The following LINGO2 variants were observed in gnomAD, a reference collection of about 807,000 sequenced individuals.
LINGO2 encodes the protein leucine-rich repeat and immunoglobulin-like domain-containing nogo receptor-interacting protein 2.
LINGO2 carries 14 observed loss-of-function variants against 30.6 expected under a neutral mutation model. That is an observed-to-expected ratio of 0.46 (90% confidence interval 0.30 to 0.72). The LOEUF (loss-of-function observed/expected upper bound fraction) is 0.72, where lower values mean the gene tolerates loss of function less well. LINGO2 is among the 30% of genes least tolerant of loss of function. The pLI, the probability that LINGO2 is intolerant of heterozygous loss-of-function variation, is 0.07. For synonymous variants in LINGO2, 317 were observed against 288.5 expected (o/e 1.10, Z -1.00); for missense variants, 729 against 751.7 (o/e 0.97, Z 0.35).
At chr9:28,623,488 T>C (rs1041225638) in intron 1 of LINGO2, among the ~76,000 whole-genome samples, 3 of 152,046 alleles carry the variant, frequency 2.0e-5, no homozygotes, top group Middle Eastern at 6.8e-3. Context: ...CTTTGTCAAA[T>C]ACGAGTTCAC....
At chr9:28,071,500 C>T (rs1191239464) in intron 4 of LINGO2, among the ~76,000 whole-genome samples, 1 of 151,788 alleles carries the variant, frequency 6.6e-6, no homozygotes, top group Non-Finnish European at 1.5e-5. Context: ...TTTCTCTAGT[C>T]CTTACCATTT....
the LINGO2 span, among the ~76,000 whole-genome samples, chr9:29,098,741 T>G: frequency 6.6e-6 from 1 of 152,170 alleles, no homozygotes; most frequent in Non-Finnish European, 1.5e-5. Flanking sequence ...ATAAGAAGCC[T>G]TTGATACTTT....
chr9:28,740,772 C>G, the LINGO2 span, among the ~76,000 whole-genome samples: 1 of 151,988 alleles, frequency 6.6e-6, no homozygotes, highest in East Asian at 1.9e-4. Flanking sequence ...TTAATACAAA[C>G]ATTACTTACA....
At chr9:28,382,276 T>C (rs1821386598) in intron 2 of LINGO2, among the ~76,000 whole-genome samples, 1 of 152,188 alleles carries the variant, frequency 6.6e-6, no homozygotes, top group African/African-American at 2.4e-5. Context: ...ATTCAAAATA[T>C]GAAAGCATTG....
At chr9:28,653,705 C>A (rs991102323) in intron 1 of LINGO2, among the ~76,000 whole-genome samples, 6 of 152,098 alleles carry the variant, frequency 3.9e-5, no homozygotes, top group East Asian at 1.9e-4. Flanking sequence ...CATACCTTCA[C>A]AATGAACATT....
intron 4 of LINGO2, among the ~76,000 whole-genome samples, chr9:28,036,925 G>A (rs919068811): frequency 1.3e-5 from 2 of 152,122 alleles, no homozygotes; most frequent in Non-Finnish European, 2.9e-5. Context: ...AAAATAGAAG[G>A]TTCTCAGACC....
the LINGO2 span, among the ~76,000 whole-genome samples, chr9:29,081,196 A>G: frequency 6.6e-6 from 1 of 152,144 alleles, no homozygotes; most frequent in Admixed American, 6.6e-5. Context: ...TGGCAAACCG[A>G]ATCCAGCAGC....
chr9:28,433,641 G>A (rs945817253), intron 2 of LINGO2, among the ~76,000 whole-genome samples: 39 of 152,208 alleles, frequency 2.6e-4, no homozygotes, highest in Admixed American at 7.9e-4. Context: ...TGTTGACATG[G>A]ATGTGGTGAA....
the LINGO2 span, among the ~76,000 whole-genome samples, chr9:29,210,611 A>G: frequency 5.9e-5 from 9 of 152,180 alleles, no homozygotes; most frequent in Non-Finnish European, 1.3e-4. Flanking sequence ...CAAACTTTAT[A>G]TAAATCTTCC....
chr9:28,309,870 A>G (rs899986287), intron 3 of LINGO2, among the ~76,000 whole-genome samples: 2 of 152,118 alleles, frequency 1.3e-5, no homozygotes, highest in African/African-American at 4.8e-5. Flanking sequence ...ACACTTCACC[A>G]AAGAGGCTAC....
intron 4 of LINGO2, among the ~76,000 whole-genome samples, chr9:28,079,938 T>C (rs1481343504): frequency 6.6e-6 from 1 of 152,230 alleles, no homozygotes; most frequent in Non-Finnish European, 1.5e-5. Context: ...CTCAACTCCG[T>C]TGCCGAAGTA....
chr9:28,198,264 A>C (rs1820089608), intron 4 of LINGO2, among the ~76,000 whole-genome samples: 2 of 152,002 alleles, frequency 1.3e-5, no homozygotes, highest in South Asian at 4.1e-4. Context: ...AAAAAAACAA[A>C]CTCTAAAAGC....
chr9:28,707,319 A>G, the LINGO2 span, among the ~76,000 whole-genome samples: 1 of 152,106 alleles, frequency 6.6e-6, no homozygotes, highest in Non-Finnish European at 1.5e-5. Context: ...AAGTACCTAA[A>G]GTCAGGTCTC....
the LINGO2 span, among the ~76,000 whole-genome samples, chr9:28,723,169 C>A: frequency 6.6e-6 from 1 of 152,090 alleles, no homozygotes; most frequent in Non-Finnish European, 1.5e-5. Context: ...AGCTTGTTAA[C>A]ATGAAGATTC....
chr9:28,445,383 A>C (rs1824381456), intron 2 of LINGO2, among the ~76,000 whole-genome samples: 1 of 152,170 alleles, frequency 6.6e-6, no homozygotes, highest in African/African-American at 2.4e-5. Flanking sequence ...AAGCCACAGA[A>C]CTTGCTCATC....
chr9:28,467,147 TC>T (rs370453915), intron 2 of LINGO2, among the ~76,000 whole-genome samples: 1 of 151,916 alleles, frequency 6.6e-6, no homozygotes, highest in African/African-American at 2.4e-5. Flanking sequence ...TGCCTCAGCC[TC>T]CCGAGTAGCT....
intron 4 of LINGO2, among the ~76,000 whole-genome samples, chr9:28,040,918 G>A (rs775940551): frequency 1.3e-5 from 2 of 152,144 alleles, no homozygotes; most frequent in Non-Finnish European, 2.9e-5. Flanking sequence ...AGAGGTAGAG[G>A]AATTGACCTA....
chr9:28,991,758 C>T, the LINGO2 span, among the ~76,000 whole-genome samples: 1 of 149,058 alleles, frequency 6.7e-6, no homozygotes, highest in Admixed American at 6.8e-5. Context: ...TCATATCCAG[C>T]CAAACTAAGC....
chr9:28,020,176 A>AT (rs1328912443), intron 4 of LINGO2, among the ~76,000 whole-genome samples: 1 of 152,190 alleles, frequency 6.6e-6, no homozygotes, highest in African/African-American at 2.4e-5. Context: ...AAGTGGGAAA[A>AT]TGACTCTTGT....
Sources: allele counts gnomAD v4.1 joint callset (sites outside exome capture counted in the v4.1 genomes callset), GRCh38; gene constraint gnomAD v4.1.1; transcripts MANE v1.5; gene names NCBI Gene and HGNC (gene_info 2026-07-23, HGNC 2026-07-21).